Variants in SSBP2 observed in about 807,000 individuals in gnomAD.
The protein encoded by SSBP2 is single-stranded DNA-binding protein 2.
A neutral mutation model predicts 61.8 loss-of-function variants in SSBP2; 17 were observed. That is an observed-to-expected ratio of 0.28 (90% CI 0.19 to 0.41). SSBP2 has a LOEUF of 0.41. SSBP2 is among the 10% of genes least tolerant of loss of function. The pLI is 1.00. For missense variants in SSBP2, 310 were observed against 458.7 expected (o/e 0.68, Z 2.96); for synonymous variants, 139 against 141.3 (o/e 0.98, Z 0.12).
Position 81,747,527 on chromosome 5 carries a change from T to C in SSBP2, c.62+3454A>G, listed in dbSNP as rs528891800. Among the ~76,000 whole-genome samples the C allele has an allele frequency of 5.9e-5, 9 of 152,302 alleles. No homozygotes were observed. The East Asian group carries it at 1.3e-3, about 23-fold the overall frequency. ...ATAAATAATAGTTATTTTTGTTGTA[T>C]TGTTGTTTAGGGGTATTTCTGAAAT... is the stretch of plus-strand genomic sequence containing the variant. On this transcript the variant is annotated intron_variant, in intron 1 of 16. Transcript: ENST00000320672.
At chr5:81,740,459 A>C (rs1184240882) in intron 1 of SSBP2, among the ~76,000 whole-genome samples, 1 of 152,226 alleles carries the variant, frequency 6.6e-6, no homozygotes, top group Non-Finnish European at 1.5e-5. Context: ...TAAAACAAAG[A>C]AATTATTTCT....
chr5:81,489,221 A>T (rs776283160), intron 6 of SSBP2, 29 bp downstream of exon 6: 1 of 1,579,596 alleles, frequency 6.3e-7, no homozygotes, highest in Admixed American at 1.8e-5. Flanking sequence ...TGATTCTTAC[A>T]AAAAACTTAC....
chr5:81,559,895 A>G (rs1772909028), intron 4 of SSBP2, among the ~76,000 whole-genome samples: 1 of 152,146 alleles, frequency 6.6e-6, no homozygotes, highest in Non-Finnish European at 1.5e-5. Context: ...GTCTAGTTTT[A>G]TTTGTCCATA....
At chr5:81,449,826 A>C (rs556578699) in intron 10 of SSBP2, among the ~76,000 whole-genome samples, 1 of 152,164 alleles carries the variant, frequency 6.6e-6, no homozygotes, top group Non-Finnish European at 1.5e-5. Flanking sequence ...ACATGTCCCA[A>C]GGCTCTGCTT....
At chr5:81,655,840 G>GT (rs1750161092) in intron 1 of SSBP2, among the ~76,000 whole-genome samples, 2 of 152,330 alleles carry the variant, frequency 1.3e-5, no homozygotes, top group African/African-American at 2.4e-5. Context: ...AATTGGAATT[G>GT]TATCGGTCTC....
intron 6 of SSBP2, among the ~76,000 whole-genome samples, chr5:81,481,632 A>C (rs1765997943): frequency 6.7e-6 from 1 of 149,976 alleles, no homozygotes; most frequent in African/African-American, 2.5e-5. Context: ...AAAAAAAAAA[A>C]AACAAACTGA....
rs115398316 is a variant in SSBP2 at position 81,706,793 on chromosome 5, T to C, written c.62+44188A>G. Among the ~76,000 whole-genome samples the C allele has an allele frequency of 2.7e-3, 415 of 152,308 alleles. 2 individuals carry two copies. The highest frequency in any genetic ancestry group is 9.5e-3 in the African/African-American group (395 of 41,576). On this transcript the variant is annotated intron_variant, in intron 1 of 16. Coordinates refer to ENST00000320672, the MANE Select transcript of SSBP2 (RefSeq NM_012446.5). Reference sequence around the variant, plus strand: ...CTCAAAACAAAACAGAGCTAGGTACTTGATAGTCTGATTAATCTCAACTTT... The same window carrying C: ...CTCAAAACAAAACAGAGCTAGGTACCTGATAGTCTGATTAATCTCAACTTT...
intron 4 of SSBP2, among the ~76,000 whole-genome samples, chr5:81,595,461 A>T (rs1009032029): frequency 6.6e-6 from 1 of 152,218 alleles, no homozygotes; most frequent in African/African-American, 2.4e-5. Flanking sequence ...AATCGATAGA[A>T]AAAAAGGGAA....
chr5:81,592,532 C>A (rs560071974), intron 4 of SSBP2, among the ~76,000 whole-genome samples: 4 of 152,200 alleles, frequency 2.6e-5, no homozygotes, highest in African/African-American at 4.8e-5. Context: ...TGAGAATGGG[C>A]AGACTGCCTC....
intron 4 of SSBP2, among the ~76,000 whole-genome samples, chr5:81,554,273 A>C (rs11954000): frequency 0.29 from 43,840 of 151,784 alleles, 6,973 homozygotes; most frequent in African/African-American, 0.44. Flanking sequence ...CTCCTTAAAA[A>C]ATTCTGTAAC....
chr5:81,528,715 A>T (rs572966429), intron 4 of SSBP2, among the ~76,000 whole-genome samples: 2 of 152,060 alleles, frequency 1.3e-5, no homozygotes, highest in Non-Finnish European at 2.9e-5. Context: ...ACTAGATAAG[A>T]TTAGATGCAC....
chr5:81,457,063 A>G (rs1764214058), intron 10 of SSBP2, among the ~76,000 whole-genome samples: 3 of 152,182 alleles, frequency 2.0e-5, no homozygotes, highest in Admixed American at 1.3e-4. Flanking sequence ...AGAGGGCCTA[A>G]AAGTTGTATT....
chr5:81,428,025 A>C (rs904140761), intron 16 of SSBP2, among the ~76,000 whole-genome samples: 3 of 152,216 alleles, frequency 2.0e-5, no homozygotes, highest in Non-Finnish European at 2.9e-5. Context: ...GTAAGTGCTC[A>C]GTAATTGCTT....
intron 4 of SSBP2, among the ~76,000 whole-genome samples, chr5:81,552,310 G>C (rs1029855867): frequency 9.9e-5 from 15 of 152,046 alleles, no homozygotes; most frequent in African/African-American, 3.6e-4. Context: ...ATTATCATCG[G>C]AAACTGTATT....
intron 2 of SSBP2, 67 bp downstream of exon 2, chr5:81,650,200 A>G (rs1053334104): frequency 5.3e-6 from 6 of 1,132,428 alleles, no homozygotes; most frequent in Middle Eastern, 2.6e-4. Context: ...TCAAATAATT[A>G]TTATAGTGTG....
chr5:81,563,955 G>A (rs2153423701), intron 4 of SSBP2, among the ~76,000 whole-genome samples: 1 of 152,258 alleles, frequency 6.6e-6, no homozygotes, highest in East Asian at 1.9e-4. Context: ...CCATGGAATG[G>A]AAGAAAATAT....
rs1414929688 is a variant in SSBP2 at position 81,702,436 on chromosome 5, A to C, written c.62+48545T>G. Among the ~76,000 whole-genome samples, 4 of 152,194 alleles carry C rather than the reference A, an allele frequency of 2.6e-5. No individual in the cohort carries two copies. In the East Asian group the frequency reaches 7.7e-4, roughly 29 times the overall value. ...AGAAGAGGACAAAAGCTATAGATAGAATCTGCCTACTACTCAATCTCACTT... is the reference window on the plus strand; with the variant it reads ...AGAAGAGGACAAAAGCTATAGATAGCATCTGCCTACTACTCAATCTCACTT... On this transcript the variant is annotated intron_variant, in intron 1 of 16. Transcript: ENST00000320672.
intron 1 of SSBP2, among the ~76,000 whole-genome samples, chr5:81,743,804 G>A (rs1191277093): frequency 1.3e-5 from 2 of 152,196 alleles, no homozygotes; most frequent in Non-Finnish European, 1.5e-5. Context: ...ACTTGAGTGT[G>A]TAAGGGAGTG....
At chr5:81,529,953 T>C (rs1770266989) in intron 4 of SSBP2, among the ~76,000 whole-genome samples, 1 of 151,868 alleles carries the variant, frequency 6.6e-6, no homozygotes, top group Non-Finnish European at 1.5e-5. Context: ...TAAGGGAAAA[T>C]TGAAGGCAGA....
Sources: allele counts gnomAD v4.1 joint callset (sites outside exome capture counted in the v4.1 genomes callset), GRCh38; gene constraint gnomAD v4.1.1; transcripts MANE v1.5; gene names NCBI Gene and HGNC (gene_info 2026-07-23, HGNC 2026-07-21).